SLFN12L: variants seen among roughly 807,000 people sequenced by gnomAD.
SLFN12L encodes schlafen family member 12 like, also known as schlafen family member 12-like.
Under a neutral mutation model 34.8 loss-of-function variants are expected in SLFN12L, and 34 were observed. That is an observed-to-expected ratio of 0.98 (90% CI 0.74 to 1.30). The LOEUF (loss-of-function observed/expected upper bound fraction) is 1.30. SLFN12L is among the 50% of genes most tolerant of loss of function. SLFN12L has a pLI of 0.00. For synonymous variants in SLFN12L, 259 were observed against 247.5 expected (o/e 1.05, Z -0.44); for missense variants, 703 against 696.2 (o/e 1.01, Z -0.11).
rs746459136 is a variant in SLFN12L at position 35,479,480 on chromosome 17, C to T, written c.802G>A (p.Val268Ile). The T allele has an allele frequency of 8.7e-6, 14 of 1,614,144 alleles. No homozygotes were observed. The highest frequency in any genetic ancestry group is 1.6e-4 in the Middle Eastern group (1 of 6,062). The part of the protein sequence containing the change: ...QRITEILPQY[V>I]SAFANTDGGY... ...CCATCAGTATTTGCAAATGCAGAAA[C>T]ATATTGAGGGAGAATCTCTGTAATT... Residue 268 changes from valine to isoleucine, a missense_variant, in exon 3 of 5, where the codon GTT becomes ATT. Val to Ile is a conservative substitution (Grantham distance 29, BLOSUM62 3). Coordinates refer to ENST00000628453, the MANE Select transcript of SLFN12L (RefSeq NM_001363830.2).
At position 35,475,078 on chromosome 17, in the gene SLFN12L, G is replaced by C; in HGVS notation, c.1684C>G (p.Pro562Ala). The change falls in exon 5 of 5, where the codon CCT becomes GCT. Residue 562 changes from proline to alanine, a missense_variant. Pro to Ala is a conservative substitution (Grantham distance 27). Coordinates refer to ENST00000628453, the MANE Select transcript of SLFN12L (RefSeq NM_001363830.2). The stretch of plus-strand genomic sequence containing the variant: ...GCTGTTGTCCAATAGTAGGATTCAG[G>C]GTAAATTACTTGCGAGTTTAAATCA... ...QYDLNSQVIYPESYYWTTAQT... is the reference protein window; with the variant it reads ...QYDLNSQVIYAESYYWTTAQT... 6.2e-7 allele frequency: 1 copy of C among 1,614,008 alleles called. No homozygotes were observed. Among genetic ancestry groups the C allele is most frequent in the Non-Finnish European group, 8.5e-7 (1 of 1,179,894 alleles).
intron 1 of SLFN12L, among the ~76,000 whole-genome samples, chr17:35,533,172 A>G (rs2072427460): frequency 6.6e-6 from 1 of 152,188 alleles, no homozygotes; most frequent in Non-Finnish European, 1.5e-5. Context: ...TTATGCTTTT[A>G]GTTATATGTT....
Position 35,522,949 on chromosome 17 carries a change from A to G in SLFN12L, c.-585T>C, listed in dbSNP as rs747794085. 2.4e-5 allele frequency: 13 copies of G among 550,994 alleles called. No homozygotes were observed. The highest frequency in any genetic ancestry group is 4.2e-5 in the Non-Finnish European group (13 of 306,500). 34.1% of individuals were successfully genotyped at this position (550,994 alleles called of 1,614,324 possible). On this transcript the variant is annotated 5_prime_UTR_variant, in exon 2 of 5. It removes an upstream start codon present in the reference 5' UTR. Transcript: ENST00000628453. Reference sequence around the variant, plus strand: ...TCCTTCCAGAGGGATTCCAGAGTACATCGCAAATATCCTGGTAGCACTAGA... The same window carrying G: ...TCCTTCCAGAGGGATTCCAGAGTACGTCGCAAATATCCTGGTAGCACTAGA...
intron 3 of SLFN12L, 35 bp downstream of exon 3, chr17:35,479,082 A>G: frequency 6.8e-7 from 1 of 1,476,922 alleles, no homozygotes; most frequent in Non-Finnish European, 9.1e-7. Flanking sequence ...CACCCAAGCC[A>G]AAGGTATCCT....
In SLFN12L at chr17:35,495,276, T is replaced by C. The variant is rs774011652; in HGVS notation, c.87-15081A>G. ...TGTTTGTTTGGTGTCCCCTTCAATT[T>C]TGGACTAGCAAGTGCTTCACTCTCC... On this transcript the variant is annotated intron_variant, in intron 2 of 4. Coordinates refer to ENST00000628453, the MANE Select transcript of SLFN12L (RefSeq NM_001363830.2). Among the ~76,000 whole-genome samples the C allele has an allele frequency of 3.7e-4, 56 of 152,320 alleles. 1 individual carries two copies. The highest frequency in any genetic ancestry group is 6.6e-4 in the Non-Finnish European group (45 of 68,024).
intron 2 of SLFN12L, chr17:35,498,187 G>A (rs1206679745): frequency 4.3e-6 from 3 of 690,638 alleles, no homozygotes; most frequent in East Asian, 2.6e-5. Flanking sequence ...GGCGGCGTGG[G>A]GAGCCGGGGC....
chr17:35,480,291 T>C (rs1227414722), intron 2 of SLFN12L, 96 bp from the exon 3 acceptor site: 7 of 928,600 alleles, frequency 7.5e-6, no homozygotes, highest in Non-Finnish European at 1.1e-5. Flanking sequence ...CTGTATATTT[T>C]CCACTAGACT....
At position 35,518,774 on chromosome 17, in the gene SLFN12L, G is replaced by A. The variant is rs148228604; in HGVS notation, c.86+3505C>T. On this transcript the variant is annotated intron_variant, in intron 2 of 4. Transcript: ENST00000628453. ...GGGAGTGTAAATTAATTCAACCATT[G>A]TGGAAGACAGTGTGGCAATTCCTCA... Among the ~76,000 whole-genome samples, 95 of 152,256 alleles carry A rather than the reference G, an allele frequency of 6.2e-4. 1 individual carries two copies. The highest frequency in any genetic ancestry group is 1.9e-3 in the African/African-American group (77 of 41,540).
chr17:35,487,887 C>G, intron 2 of SLFN12L: 1 of 832,526 alleles, frequency 1.2e-6, no homozygotes. Flanking sequence ...GCGCTGTTAT[C>G]GACTCTGCGC....
At chr17:35,477,171 C>T (rs143261988) in intron 4 of SLFN12L, among the ~76,000 whole-genome samples, 23 of 152,130 alleles carry the variant, frequency 1.5e-4, no homozygotes, top group Middle Eastern at 3.4e-3. Flanking sequence ...CCAGAGGTGG[C>T]GATCAGCAGG....
At chr17:35,492,612 T>C (rs983832556) in intron 2 of SLFN12L, among the ~76,000 whole-genome samples, 5 of 152,032 alleles carry the variant, frequency 3.3e-5, no homozygotes, top group African/African-American at 1.2e-4. Flanking sequence ...CCAAGGGAAG[T>C]TGGGGGCGTA....
chr17:35,479,459 C>A lies in SLFN12L; in HGVS notation c.823G>T (p.Asp275Tyr), dbSNP rs149666605. 10 of 1,614,158 alleles carry A rather than the reference C, an allele frequency of 6.2e-6. No homozygotes were observed. In the East Asian group the frequency reaches 2.2e-4, roughly 36 times the overall value. The change falls in exon 3 of 5, where the codon GAT becomes TAT. Residue 275 changes from aspartate (D) to tyrosine (Y), a missense_variant. Coordinates refer to ENST00000628453, the MANE Select transcript of SLFN12L (RefSeq NM_001363830.2). Reference sequence around the variant, plus strand: ...AGACCAACGAATAAATATCCTCCATCAGTATTTGCAAATGCAGAAACATAT... The same window carrying A: ...AGACCAACGAATAAATATCCTCCATAAGTATTTGCAAATGCAGAAACATAT... ...PQYVSAFANT[D>Y]GGYLFVGLNE...
intron 2 of SLFN12L, among the ~76,000 whole-genome samples, chr17:35,509,286 A>G (rs1915562393): frequency 6.6e-6 from 1 of 152,232 alleles, no homozygotes; most frequent in African/African-American, 2.4e-5. Flanking sequence ...GATATCCATC[A>G]AGAAAAGAGC....
chr17:35,534,016 G>A (rs556815873), intron 1 of SLFN12L, among the ~76,000 whole-genome samples: 1 of 152,124 alleles, frequency 6.6e-6, no homozygotes, highest in Non-Finnish European at 1.5e-5. Flanking sequence ...AGTTTGCAGT[G>A]AGTCAAAATC....
At chr17:35,523,009 A>G (rs1033599004) in intron 1 of SLFN12L, 40 bp from the exon 2 acceptor site, 3 of 453,130 alleles carry the variant, frequency 6.6e-6, no homozygotes, top group African/African-American at 5.9e-5. Context: ...GAAGGAGAAG[A>G]ATCATACTGA....
chr17:35,487,775 T>A, intron 2 of SLFN12L: 2 of 1,535,682 alleles, frequency 1.3e-6, no homozygotes, highest in Non-Finnish European at 8.7e-7. Flanking sequence ...GGGACCTGAG[T>A]TCTTTTCCAC....
rs8072222 is a variant in SLFN12L, at chr17:35,480,478, A to G, written c.87-283T>C. The G allele has an allele frequency of 7.8e-3, 2,292 of 295,266 alleles. 62 individuals are homozygous for G. Among genetic ancestry groups the G allele is most frequent in the African/African-American group, 0.045 (2,098 of 46,344 alleles). 18.3% of individuals were successfully genotyped at this position (295,266 alleles called of 1,614,324 possible). A position where few individuals can be genotyped will look rare whatever the true frequency, so the allele number is the denominator to read the frequency against. Reference sequence around the variant, plus strand: ...TGTCCTTTCTCATCACTAATATTGTACAATTTGTTTTCTCTCTTCTTTCTT... The same window carrying G: ...TGTCCTTTCTCATCACTAATATTGTGCAATTTGTTTTCTCTCTTCTTTCTT... On this transcript the variant is annotated intron_variant, in intron 2 of 4. Transcript: ENST00000628453.
At chr17:35,501,445 G>A (rs1416463701) in intron 2 of SLFN12L, among the ~76,000 whole-genome samples, 1 of 152,154 alleles carries the variant, frequency 6.6e-6, no homozygotes, top group African/African-American at 2.4e-5. Flanking sequence ...GACTTGACTT[G>A]GATTGCTTGA....
In SLFN12L at chr17:35,488,102, G is replaced by A. The variant is rs111276386; in HGVS notation, c.87-7907C>T. ...CGGGCGCCTGTAGTCCCAGCTACTC[G>A]GGAGGCTGAGGCAGGAGAATGGCGT... is the stretch of plus-strand genomic sequence containing the variant. On this transcript the variant is annotated intron_variant, in intron 2 of 4. Coordinates refer to ENST00000628453, the MANE Select transcript of SLFN12L (RefSeq NM_001363830.2). Among the ~76,000 whole-genome samples, 2,413 of 152,294 alleles carry A rather than the reference G, an allele frequency of 0.016. 79 individuals are homozygous for A. The East Asian group carries it at 0.16, about 10-fold the overall frequency.
Sources: allele counts gnomAD v4.1 joint callset (sites outside exome capture counted in the v4.1 genomes callset), GRCh38; gene constraint gnomAD v4.1.1; transcripts MANE v1.5; gene names NCBI Gene and HGNC (gene_info 2026-07-23, HGNC 2026-07-21).